Variants in NFS1 observed in about 807,000 individuals in gnomAD.
NFS1 encodes NFS1 cysteine desulfurase, also known as cysteine desulfurase.
In NFS1, 26 loss-of-function variants were observed where a neutral mutation model predicts 57.3. That is an observed-to-expected ratio of 0.45 (90% CI 0.33 to 0.63). The LOEUF (loss-of-function observed/expected upper bound fraction) is 0.63. Ranked by LOEUF, NFS1 falls within the 20% of genes least tolerant of loss-of-function variation. The pLI, the probability that NFS1 is intolerant of heterozygous loss-of-function variation, is 0.02. For missense variants in NFS1, 505 were observed against 605.8 expected (o/e 0.83, Z 1.75); for synonymous variants, 209 against 216.3 (o/e 0.97, Z 0.30).
At chr20:35,686,907 G>A (rs1189008484) in intron 5 of NFS1, among the ~76,000 whole-genome samples, 2 of 151,862 alleles carry the variant, frequency 1.3e-5, no homozygotes, top group East Asian at 1.9e-4. Context: ...AATAATCCTC[G>A]CTCTACAATC....
intron 12 of NFS1, 39 bp downstream of exon 12, chr20:35,672,716 A>C: frequency 3.0e-5 from 41 of 1,386,236 alleles, no homozygotes; most frequent in Non-Finnish European, 3.9e-5. Flanking sequence ...AGACAGTGCT[A>C]GAGTTTCTTC....
In NFS1 at chr20:35,676,420, T is replaced by G. The variant is rs143207049; in HGVS notation, c.791-1218A>C. Among the ~76,000 whole-genome samples, 106 of 151,464 alleles carry G rather than the reference T, an allele frequency of 7.0e-4. 1 individual carries two copies. Among genetic ancestry groups the G allele is most frequent in the African/African-American group, 2.3e-3 (95 of 41,264 alleles). ...GACCAACATGGTGAAACCCCGTAAT[T>G]ATTAAAAATACAAAAATTAGCTGGG... On this transcript the variant is annotated intron_variant, in intron 7 of 12. Coordinates refer to ENST00000374092, the MANE Select transcript of NFS1 (RefSeq NM_021100.5).
chr20:35,682,803 G>A (rs2034871555), intron 5 of NFS1: 1 of 152,874 alleles, frequency 6.5e-6, no homozygotes, highest in South Asian at 2.0e-4. Context: ...GAAAGGCCAG[G>A]TATGGTGGCT....
At chr20:35,687,860 G>A (rs913740254) in intron 5 of NFS1, among the ~76,000 whole-genome samples, 1 of 152,218 alleles carries the variant, frequency 6.6e-6, no homozygotes, top group Non-Finnish European at 1.5e-5. Flanking sequence ...TGCTTTGGGA[G>A]GCCAAGGTAG....
At chr20:35,680,561 G>A (rs1046959124) in intron 7 of NFS1, among the ~76,000 whole-genome samples, 176 bp downstream of exon 7, 1 of 152,214 alleles carries the variant, frequency 6.6e-6, no homozygotes, top group Non-Finnish European at 1.5e-5. Context: ...AACTGCTAAG[G>A]TCTACAAACA....
intron 5 of NFS1, chr20:35,682,575 G>C (rs2034866895): frequency 6.6e-6 from 1 of 150,460 alleles, no homozygotes; most frequent in Non-Finnish European, 1.5e-5. Flanking sequence ...GGTGTCCTGA[G>C]ATCGGAAGTT....
At chr20:35,689,848 G>C (rs2035012144) in intron 5 of NFS1, among the ~76,000 whole-genome samples, 1 of 149,120 alleles carries the variant, frequency 6.7e-6, no homozygotes, top group Non-Finnish European at 1.5e-5. Context: ...TGAGGCAGGA[G>C]AATCACTTGA....
At chr20:35,698,340 A>G in intron 2 of NFS1, 141 bp downstream of exon 2, 1 of 660,336 alleles carries the variant, frequency 1.5e-6, no homozygotes. Flanking sequence ...CCTCGAATTT[A>G]AGCCTCCCGA....
intron 5 of NFS1, chr20:35,682,625 C>T (rs141541242): frequency 6.6e-6 from 1 of 152,002 alleles, no homozygotes; most frequent in Non-Finnish European, 1.5e-5. Flanking sequence ...CCTGTCTCTA[C>T]TAAAAATACA....
intron 11 of NFS1, 147 bp from the exon 12 acceptor site, chr20:35,672,991 C>T: frequency 1.7e-6 from 1 of 605,710 alleles, no homozygotes. Flanking sequence ...TTTCTCAGAA[C>T]ATGGTATATG....
intron 7 of NFS1, chr20:35,675,890 AAAG>A (rs1294697180): frequency 5.1e-4 from 78 of 151,578 alleles, no homozygotes; most frequent in African/African-American, 1.7e-3. Flanking sequence ...AAAAAAAAAA[AAAG>A]AAGAAGCTTG....
intron 7 of NFS1, among the ~76,000 whole-genome samples, chr20:35,678,670 T>C (rs558157370): frequency 2.0e-5 from 3 of 151,912 alleles, no homozygotes; most frequent in Admixed American, 2.0e-4. Context: ...ACCACTGCAC[T>C]CCAGCCTGGG....
chr20:35,679,501 G>A (rs555399176), intron 7 of NFS1, among the ~76,000 whole-genome samples: 10 of 152,228 alleles, frequency 6.6e-5, no homozygotes, highest in African/African-American at 2.4e-4. Flanking sequence ...TTTTAATACA[G>A]GCATATAATG....
intron 5 of NFS1, 110 bp downstream of exon 5, chr20:35,690,303 C>T: frequency 1.3e-5 from 14 of 1,047,582 alleles, no homozygotes; most frequent in Non-Finnish European, 2.0e-5. Flanking sequence ...AAACTTCATC[C>T]TAACTGTTAG....
At chr20:35,696,766 C>T (rs1007009048) in intron 3 of NFS1, among the ~76,000 whole-genome samples, 1 of 151,966 alleles carries the variant, frequency 6.6e-6, no homozygotes, top group African/African-American at 2.4e-5. Context: ...GTCAGGAGTT[C>T]GAGACCAACC....
At position 35,698,550 on chromosome 20, in the gene NFS1, T is replaced by C; in HGVS notation, c.138A>G (p.Thr46=). The C allele has an allele frequency of 6.2e-6, 10 of 1,613,790 alleles. No homozygotes were observed. Among genetic ancestry groups the C allele is most frequent in the Non-Finnish European group, 8.5e-6 (10 of 1,179,900 alleles). ...CTGGCCCCACCTCCGGGGCAGCGGC[T>C]GTATCTGCGGGAACCGCAGACTGAG... The part of the protein sequence containing the change: ...RAPQSAVPAD[T]AAAPEVGPVL... Residue 46 remains threonine, a synonymous_variant, in exon 2 of 13, where the codon ACA becomes ACG. Coordinates refer to ENST00000374092, the MANE Select transcript of NFS1 (RefSeq NM_021100.5).
intron 8 of NFS1, 77 bp from the exon 9 acceptor site, chr20:35,674,694 A>G (rs971308401): frequency 8.7e-7 from 1 of 1,149,072 alleles, no homozygotes; most frequent in African/African-American, 1.5e-5. Context: ...CCCTTCTCCT[A>G]TAACTGGAAG....
chr20:35,693,003 G>GA, intron 4 of NFS1, among the ~76,000 whole-genome samples: 1 of 148,126 alleles, frequency 6.8e-6, no homozygotes. Context: ...CTCCCCCTTG[G>GA]GAAAAAAAAA....
chr20:35,697,603 A>C (rs1405800406), intron 3 of NFS1, 81 bp downstream of exon 3: 2 of 870,490 alleles, frequency 2.3e-6, no homozygotes, highest in Non-Finnish European at 3.6e-6. Flanking sequence ...ACCTCCATGC[A>C]CACCTACCAA....
Sources: gnomAD v4.1 joint callset for allele counts (sites outside exome capture counted in the v4.1 genomes callset) on GRCh38, gnomAD v4.1.1 for gene constraint, MANE v1.5 for transcripts, NCBI Gene and HGNC (gene_info 2026-07-23, HGNC 2026-07-21) for gene names.